Variants in PPP2R3B observed in about 807,000 individuals in gnomAD.
The protein encoded by PPP2R3B is serine/threonine-protein phosphatase 2A regulatory subunit B'' subunit beta.
In PPP2R3B, 68 loss-of-function variants were observed where a neutral mutation model predicts 72.9. That is an observed-to-expected ratio of 0.93 (90% CI 0.77 to 1.14). The LOEUF (loss-of-function observed/expected upper bound fraction) is 1.14. PPP2R3B is among the 50% of genes most tolerant of loss of function. The pLI, the probability that PPP2R3B is intolerant of heterozygous loss-of-function variation, is 0.00. For missense variants in PPP2R3B, 1,018 were observed against 842.0 expected (o/e 1.21, Z -2.59); for synonymous variants, 466 against 375.8 (o/e 1.24, Z -2.78).
intron 8 of PPP2R3B, chrX:341,659 TG>T: frequency 1.5e-6 from 1 of 653,772 alleles, no homozygotes; most frequent in Non-Finnish European, 2.7e-6. Flanking sequence ...ACCCCCGACC[TG>T]GGGCCTGGGC....
chrX:358,967 CT>C (rs1401680413), intron 2 of PPP2R3B, among the ~76,000 whole-genome samples: 24 of 137,194 alleles, frequency 1.7e-4, no homozygotes, highest in Non-Finnish European at 2.2e-4. Context: ...GGGCGGCGCC[CT>C]GGCGGGGAAG....
At chrX:364,152 C>T (rs180877465) in intron 1 of PPP2R3B, among the ~76,000 whole-genome samples, 113 of 152,334 alleles carry the variant, frequency 7.4e-4, no homozygotes, top group East Asian at 6.0e-3. Context: ...GGAGGCAAAA[C>T]GCAGGGTCCT....
chrX:334,017 G>A lies in PPP2R3B; in HGVS notation c.*350C>T, dbSNP rs2070814361. 8.5e-6 allele frequency: 2 copies of A among 235,414 alleles called. No homozygotes were observed. Among genetic ancestry groups the A allele is most frequent in the Non-Finnish European group, 8.2e-6 (1 of 122,566 alleles). 14.6% of individuals were successfully genotyped at this position (235,414 alleles called of 1,614,324 possible). On this transcript the variant is annotated 3_prime_UTR_variant, in exon 13 of 13. Transcript: ENST00000390665. ...CACACAGCCTGTGGTGGAGGCTCCT[G>A]TCCAGGACTGAGGCGCCCGGGAGCC...
intron 1 of PPP2R3B, among the ~76,000 whole-genome samples, chrX:378,970 A>G (rs2072057910): frequency 1.3e-5 from 2 of 152,214 alleles, no homozygotes; most frequent in Non-Finnish European, 2.9e-5. Context: ...GTCTTACAAC[A>G]TGTTTGTTAA....
chrX:369,626 T>A (rs2071811517), intron 1 of PPP2R3B, among the ~76,000 whole-genome samples: 1 of 152,040 alleles, frequency 6.6e-6, no homozygotes, highest in Admixed American at 6.5e-5. Flanking sequence ...ACGTGCACCG[T>A]GACACATCCT....
At position 386,868 on chromosome X, in the gene PPP2R3B, G is replaced by A. The variant is rs2072270496; in HGVS notation, c.-177C>T. ...GGACTCGCGGGGCGCGGGGACCGAGGAGGGGGCGCGGTCCGGCCCGCGCTG... is the reference window on the plus strand; with the variant it reads ...GGACTCGCGGGGCGCGGGGACCGAGAAGGGGGCGCGGTCCGGCCCGCGCTG... On this transcript the variant is annotated 5_prime_UTR_variant, in exon 1 of 13. Coordinates refer to ENST00000390665, the MANE Select transcript of PPP2R3B (RefSeq NM_013239.5). 2 of 225,280 alleles carry A rather than the reference G, an allele frequency of 8.9e-6. No homozygotes were observed. The highest frequency in any genetic ancestry group is 2.6e-4 in the East Asian group (2 of 7,656). The allele number at this position is 225,280 out of a possible 1,614,324, so 14.0% of individuals were successfully genotyped here.
In PPP2R3B at chrX:340,900, C is replaced by G; in HGVS notation, c.1216G>C (p.Gly406Arg). 1.2e-6 allele frequency: 2 copies of G among 1,611,974 alleles called. No individual in the cohort carries two copies. Among genetic ancestry groups the G allele is most frequent in the Non-Finnish European group, 1.7e-6 (2 of 1,179,680 alleles). ...TCGAGCTCGAACATGGACAGGGCGC[C>G]GTCCCCGTCCAGGTCCATGCAGCGG... ...WFRCMDLDGDGALSMFELEYF... is the reference protein window; with the variant it reads ...WFRCMDLDGDRALSMFELEYF... The change falls in exon 10 of 13, where the codon GGC becomes CGC. Residue 406 changes from glycine (G) to arginine (R), a missense_variant. Transcript: ENST00000390665.
At position 347,335 on chromosome X, in the gene PPP2R3B, T is replaced by C. The variant is rs1219373011; in HGVS notation, c.616A>G (p.Ile206Val). Residue 206 changes from isoleucine (I) to valine (V), a missense_variant and splice_region_variant, in exon 4 of 13, where the codon ATC (isoleucine) becomes GTC (valine). Physicochemically the swap from Ile to Val is conservative, Grantham distance 29. Transcript: ENST00000390665. ...GCGTCGTCGTGGCAGTTCTGGAGGA[T>C]TCTGGAAGGACAGGATGACTGGGCA... Reference protein sequence around the residue: ...VHKFVAMWRKILQNCHDDAAK... With the variant: ...VHKFVAMWRKVLQNCHDDAAK... 2 of 1,613,556 alleles carry C rather than the reference T, an allele frequency of 1.2e-6. No individual in the cohort carries two copies. Among genetic ancestry groups the C allele is most frequent in the East Asian group, 4.5e-5 (2 of 44,854 alleles).
At chrX:344,159 G>C (rs1478669513) in intron 7 of PPP2R3B, among the ~76,000 whole-genome samples, 27 of 93,154 alleles carry the variant, frequency 2.9e-4, no homozygotes, top group Non-Finnish European at 3.9e-4. Flanking sequence ...AACGGGAGGC[G>C]GGAGGGAGAC....
At chrX:350,132 C>G (rs1255564382) in intron 2 of PPP2R3B, among the ~76,000 whole-genome samples, 1 of 152,168 alleles carries the variant, frequency 6.6e-6, no homozygotes, top group Admixed American at 6.5e-5. Flanking sequence ...AATGAAGACT[C>G]AGTCAGTCTC....
chrX:362,731 G>A (rs1394125271), intron 1 of PPP2R3B, among the ~76,000 whole-genome samples: 1 of 152,050 alleles, frequency 6.6e-6, no homozygotes, highest in African/African-American at 2.4e-5. Context: ...TGACTGCCTG[G>A]ATCAATCCAG....
At chrX:356,213 T>C (rs1316019103) in intron 2 of PPP2R3B, among the ~76,000 whole-genome samples, 2 of 152,082 alleles carry the variant, frequency 1.3e-5, no homozygotes, top group Non-Finnish European at 2.9e-5. Flanking sequence ...CAGGGTTTTT[T>C]GTTTTTTGTT....
At chrX:345,905 G>A (rs1252260710) in intron 6 of PPP2R3B, among the ~76,000 whole-genome samples, 2 of 144,566 alleles carry the variant, frequency 1.4e-5, no homozygotes, top group Non-Finnish European at 3.1e-5. Context: ...AGCTCTGGGG[G>A]AGTCAGGGCT....
intron 7 of PPP2R3B, among the ~76,000 whole-genome samples, chrX:344,096 A>G (rs867604732): frequency 0.016 from 626 of 38,862 alleles, 26 homozygotes; most frequent in Non-Finnish European, 0.021. Flanking sequence ...GACCTCACCA[A>G]CGGGAGGCGG....
chrX:334,495 C>T lies in PPP2R3B; in HGVS notation c.1600G>A (p.Val534Met), dbSNP rs761050482. ...EDGFEAELSPVEQKLSALRSP... is the reference protein window; with the variant it reads ...EDGFEAELSPMEQKLSALRSP... ...CGCAGCGCACTCAGCTTCTGCTCCACAGGGCTGAGCTCGGCCTCGAACCTG... is the reference window on the plus strand; with the variant it reads ...CGCAGCGCACTCAGCTTCTGCTCCATAGGGCTGAGCTCGGCCTCGAACCTG... Residue 534 changes from valine (V) to methionine (M), a missense_variant, in exon 13 of 13, where the codon GTG becomes ATG. Physicochemically the swap from Val to Met is conservative, Grantham distance 21 (BLOSUM62 1). Transcript: ENST00000390665. 3.1e-5 allele frequency: 49 copies of T among 1,570,316 alleles called. No individual in the cohort carries two copies. The Middle Eastern group carries it at 7.6e-4, about 24-fold the overall frequency.
intron 1 of PPP2R3B, among the ~76,000 whole-genome samples, chrX:371,027 C>T (rs1268454411): frequency 6.6e-6 from 1 of 152,120 alleles, no homozygotes; most frequent in East Asian, 1.9e-4. Flanking sequence ...GCGGGAGAGT[C>T]ACTCCCCAGG....
chrX:341,470 A>C, intron 8 of PPP2R3B, 74 bp from the exon 9 acceptor site: 1 of 1,515,852 alleles, frequency 6.6e-7, no homozygotes, highest in Non-Finnish European at 9.1e-7. Flanking sequence ...GCCCCTGTCC[A>C]CGCGCCTCGG....
chrX:374,015 G>C (rs1372380105), intron 1 of PPP2R3B: 2 of 152,560 alleles, frequency 1.3e-5, no homozygotes, highest in Admixed American at 6.5e-5. Flanking sequence ...GCCGGGCAAG[G>C]GGGCGCTTTC....
chrX:385,320 CTTTTTT>C (rs1178231888), intron 1 of PPP2R3B, among the ~76,000 whole-genome samples: 8 of 75,602 alleles, frequency 1.1e-4, no homozygotes, highest in Admixed American at 3.9e-4. Flanking sequence ...TTTTAGTTTT[CTTTTTT>C]TTTTTTTTTT....
Sources: gnomAD v4.1 joint callset for allele counts (sites outside exome capture counted in the v4.1 genomes callset) on GRCh38, gnomAD v4.1.1 for gene constraint, MANE v1.5 for transcripts, NCBI Gene and HGNC (gene_info 2026-07-23, HGNC 2026-07-21) for gene names.